The following BPIFB2 variants were observed in gnomAD, a reference collection of about 807,000 sequenced individuals.
BPIFB2 encodes the protein BPI fold-containing family B member 2.
Under a neutral mutation model 50.1 loss-of-function variants are expected in BPIFB2, and 39 were observed. The ratio of observed to expected loss-of-function variants is 0.78; its 90% CI spans 0.60 to 1.02. The LOEUF is 1.02. Ranked by LOEUF, BPIFB2 falls within the 50% of genes least tolerant of loss-of-function variation. The pLI, the probability that BPIFB2 is intolerant of heterozygous loss-of-function variation, is 0.00. For missense variants in BPIFB2, 574 were observed against 585.8 expected, an observed-to-expected ratio of 0.98 and a Z score of 0.21; for synonymous variants, 280 against 256.3, an observed-to-expected ratio of 1.09 and a Z score of -0.88.
At chr20:33,008,511 T>C in intron 1 of BPIFB2, 30 bp from the exon 2 acceptor site, 1 of 1,413,136 alleles carries the variant, frequency 7.1e-7, no homozygotes, top group Non-Finnish European at 9.6e-7. Context: ...CTGTTTTGGC[T>C]GAGCTCCCTG....
intron 9 of BPIFB2, 48 bp from the exon 10 acceptor site, chr20:33,019,014 G>C (rs545689792): frequency 6.2e-7 from 1 of 1,612,352 alleles, no homozygotes. Flanking sequence ...ATCTGTCTTG[G>C]GGAGCAGCTG....
At chr20:33,021,663 A>G in intron 14 of BPIFB2, 60 bp from the exon 15 acceptor site, 2 of 1,526,242 alleles carry the variant, frequency 1.3e-6, no homozygotes, top group East Asian at 4.5e-5. Context: ...TGTGATGCAC[A>G]TGAGGGCTTC....
chr20:33,020,310 C>T lies in BPIFB2; in HGVS notation c.1081-18C>T, dbSNP rs906929194. 8.7e-6 allele frequency: 14 copies of T among 1,613,190 alleles called. No homozygotes were observed. Among genetic ancestry groups the T allele is most frequent in the Non-Finnish European group, 1.1e-5 (13 of 1,179,194 alleles). ...CATGGCTCTGTGCCCTCTGACCCTG[C>T]TCTCCCCATGTGCCCAGGTAGTGAA... On this transcript the variant is annotated intron_variant, in intron 11 of 15. Transcript: ENST00000170150.
intron 7 of BPIFB2, 128 bp from the exon 8 acceptor site, chr20:33,018,129 CTT>C (rs1978501652): frequency 2.8e-6 from 2 of 702,308 alleles, no homozygotes; most frequent in Admixed American, 3.0e-5. Flanking sequence ...TGCTCTGCCT[CTT>C]TTGTTTCGTG....
intron 15 of BPIFB2, 62 bp downstream of exon 15, chr20:33,021,861 G>A (rs1429862399): frequency 6.7e-7 from 1 of 1,486,198 alleles, no homozygotes; most frequent in African/African-American, 1.4e-5. Context: ...ATTGAGGTGG[G>A]GGTCACCTCT....
intron 3 of BPIFB2, among the ~76,000 whole-genome samples, chr20:33,011,540 A>G (rs1402116369): frequency 6.6e-6 from 1 of 152,242 alleles, no homozygotes; most frequent in Admixed American, 6.5e-5. Context: ...AGGGATGTGG[A>G]GCATCCCAAA....
At chr20:33,015,538 C>A in intron 6 of BPIFB2, 42 bp downstream of exon 6, 1 of 1,523,640 alleles carries the variant, frequency 6.6e-7, no homozygotes, top group Non-Finnish European at 9.0e-7. Context: ...GGCATGGCTT[C>A]ACCGAGAAGG....
Position 33,019,591 on chromosome 20 carries a change from G to GC in BPIFB2, c.921_922insC (p.Phe308LeufsTer91). The GC allele has an allele frequency of 6.3e-7, 1 of 1,585,032 alleles. No individual in the cohort carries two copies. The highest frequency in any genetic ancestry group is 8.6e-7 in the Non-Finnish European group (1 of 1,162,456). On this transcript the variant is annotated frameshift_variant, in exon 11 of 16. Coordinates refer to ENST00000170150, the MANE Select transcript of BPIFB2 (RefSeq NM_025227.3). LOFTEE classifies it high-confidence loss of function. ...CTCTGCCTCCCCAGGTGGCCCGCCA[G>GC]TTTCCCGAGCCCATGCCTGTGGTGC...
chr20:33,020,428 G>A (rs1483109410), intron 12 of BPIFB2, 33 bp downstream of exon 12: 1 of 1,612,008 alleles, frequency 6.2e-7, no homozygotes, highest in Admixed American at 1.7e-5. Flanking sequence ...AGCAGCCTCA[G>A]TGTGTTCTTC....
At chr20:33,016,424 A>G (rs1270625567) in intron 6 of BPIFB2, among the ~76,000 whole-genome samples, 1 of 152,076 alleles carries the variant, frequency 6.6e-6, no homozygotes, top group Admixed American at 6.5e-5. Flanking sequence ...GCACTGCAGG[A>G]AGGAAGACCC....
Position 33,023,527 on chromosome 20 carries a change from C to A in BPIFB2, c.*144C>A. ...TGCTTAGCTGGGCTGTTTTATCTTCCCTGAGTGCCTGGGTCTCCCTCCCTC... is the reference window on the plus strand; with the variant it reads ...TGCTTAGCTGGGCTGTTTTATCTTCACTGAGTGCCTGGGTCTCCCTCCCTC... On this transcript the variant is annotated 3_prime_UTR_variant, in exon 16 of 16. Coordinates refer to ENST00000170150, the MANE Select transcript of BPIFB2 (RefSeq NM_025227.3). The A allele has an allele frequency of 1.1e-6, 1 of 906,000 alleles. No individual in the cohort carries two copies. The highest frequency in any genetic ancestry group is 1.7e-6 in the Non-Finnish European group (1 of 573,396). 56.1% of individuals were successfully genotyped at this position (906,000 alleles called of 1,614,324 possible). A position where few individuals can be genotyped will look rare whatever the true frequency, so the allele number is the denominator to read the frequency against.
In BPIFB2 at chr20:33,015,429, C is replaced by T. The variant is rs756245003; in HGVS notation, c.456-7C>T. 9 of 1,611,860 alleles carry T rather than the reference C, an allele frequency of 5.6e-6. No individual in the cohort carries two copies. The highest frequency in any genetic ancestry group is 7.6e-6 in the Non-Finnish European group (9 of 1,178,912). ...GCCCAGGAACTCTTTCTGTGTTTCT[C>T]CCTCAGCACCTCCCACGCGCTGCTG... On this transcript the variant is annotated splice_polypyrimidine_tract_variant and splice_region_variant and intron_variant, in intron 5 of 15. Coordinates refer to ENST00000170150, the MANE Select transcript of BPIFB2 (RefSeq NM_025227.3).
At chr20:33,013,160 A>G (rs1169188034) in intron 4 of BPIFB2, among the ~76,000 whole-genome samples, 1 of 152,190 alleles carries the variant, frequency 6.6e-6, no homozygotes, top group Non-Finnish European at 1.5e-5. Flanking sequence ...CTCATCTGTA[A>G]AATGGGATGA....
At chr20:33,016,939 T>C (rs1333829718) in intron 6 of BPIFB2, 103 bp from the exon 7 acceptor site, 36 of 1,031,492 alleles carry the variant, frequency 3.5e-5, no homozygotes, top group Non-Finnish European at 5.2e-5. Context: ...GGTGTATGGG[T>C]TGGGGAGGCT....
chr20:33,021,306 G>A lies in BPIFB2; in HGVS notation c.1220G>A (p.Gly407Asp), dbSNP rs1291744285. 1.2e-6 allele frequency: 2 copies of A among 1,613,938 alleles called. No individual in the cohort carries two copies. The highest frequency in any genetic ancestry group is 1.7e-6 in the Non-Finnish European group (2 of 1,179,986). The change falls in exon 14 of 16, where the codon GGC (glycine) becomes GAC (aspartate). Residue 407 changes from glycine to aspartate, a missense_variant. Transcript: ENST00000170150. ...ACAGATCAGGTGCGCACACTGATGG[G>A]CACCGTTTTTGAGAAGCCCCTGCTG... is the stretch of plus-strand genomic sequence containing the variant. ...IDTDQVRTLM[G>D]TVFEKPLLDH...
At chr20:33,020,804 A>G (rs1183683134) in intron 13 of BPIFB2, among the ~76,000 whole-genome samples, 1 of 152,146 alleles carries the variant, frequency 6.6e-6, no homozygotes, top group Non-Finnish European at 1.5e-5. Flanking sequence ...CTCACCCCAA[A>G]AGTCCATTGG....
intron 4 of BPIFB2, among the ~76,000 whole-genome samples, chr20:33,013,532 G>T (rs1398544420): frequency 1.3e-5 from 2 of 152,174 alleles, no homozygotes; most frequent in South Asian, 4.1e-4. Flanking sequence ...GGAAACTGAG[G>T]CTCAGCATGG....
In BPIFB2 at chr20:33,019,068, G is replaced by A. The variant is rs765606239; in HGVS notation, c.862G>A (p.Asp288Asn). 5 of 1,614,040 alleles carry A rather than the reference G, an allele frequency of 3.1e-6. No homozygotes were observed. In the African/African-American group the frequency reaches 5.3e-5, roughly 17 times the overall value. Residue 288 changes from aspartate to asparagine, a missense_variant, in exon 10 of 16, where the codon GAT (aspartate) becomes AAT (asparagine). Asp to Asn is a conservative substitution (Grantham distance 23, BLOSUM62 1). Transcript: ENST00000170150. The part of the protein sequence containing the change: ...NLDITGQLRS[D>N]DNLLNTSALG... ...CCTGGGGTGCTGATTTCAGAGGTCGGATGACAACCTGCTGAACACCTCTGC... is the reference window on the plus strand; with the variant it reads ...CCTGGGGTGCTGATTTCAGAGGTCGAATGACAACCTGCTGAACACCTCTGC...
At chr20:33,015,349 C>T (rs1359799060) in intron 5 of BPIFB2, 87 bp from the exon 6 acceptor site, 2 of 1,260,066 alleles carry the variant, frequency 1.6e-6, no homozygotes, top group Non-Finnish European at 2.2e-6. Flanking sequence ...AGGATAGAGA[C>T]TTCTCTTCCC....
Sources: allele counts gnomAD v4.1 joint callset (sites outside exome capture counted in the v4.1 genomes callset), GRCh38; gene constraint gnomAD v4.1.1; transcripts MANE v1.5; gene names NCBI Gene and HGNC (gene_info 2026-07-23, HGNC 2026-07-21).